The following HLCS variants were observed in gnomAD, a reference collection of about 807,000 sequenced individuals.
HLCS encodes the protein holocarboxylase synthetase, also known as biotin--protein ligase.
In HLCS, 53 loss-of-function variants were observed where a neutral mutation model predicts 75.0. The ratio of observed to expected loss-of-function variants is 0.71; its 90% confidence interval spans 0.57 to 0.89. The LOEUF is 0.89. HLCS is among the 40% of genes least tolerant of loss of function. HLCS has a pLI of 0.00. For missense variants in HLCS, 966 were observed against 1,074.0 expected (o/e 0.90, Z 1.41); for synonymous variants, 431 against 428.6 (o/e 1.01, Z -0.07).
chr21:36,909,204 A>AG (rs1460411044), intron 5 of HLCS, among the ~76,000 whole-genome samples: 1 of 152,248 alleles, frequency 6.6e-6, no homozygotes, highest in African/African-American at 2.4e-5. Flanking sequence ...CTCAAAAAAA[A>AG]GAAAGGTAAC....
chr21:36,806,715 T>C (rs986117508), intron 6 of HLCS, among the ~76,000 whole-genome samples: 1 of 152,168 alleles, frequency 6.6e-6, no homozygotes, highest in South Asian at 2.1e-4. Context: ...GACTCTAAGT[T>C]GTTTAAGAGA....
chr21:36,947,436 C>T, intron 2 of HLCS: 1 of 985,426 alleles, frequency 1.0e-6, no homozygotes, highest in Non-Finnish European at 1.2e-6. Context: ...ACCGCGCTGT[C>T]ACTGATACGT....
chr21:36,816,303 G>A (rs1347234763), intron 6 of HLCS, among the ~76,000 whole-genome samples: 1 of 152,042 alleles, frequency 6.6e-6, no homozygotes. Context: ...GGCTGGGGTG[G>A]GAGGATCACT....
chr21:36,769,147 G>A (rs1375106873), intron 6 of HLCS, among the ~76,000 whole-genome samples: 1 of 151,860 alleles, frequency 6.6e-6, no homozygotes, highest in African/African-American at 2.4e-5. Context: ...AAATGATTAA[G>A]GGAACATATG....
intron 6 of HLCS, among the ~76,000 whole-genome samples, chr21:36,838,298 TCACACACACACACACACA>T (rs148428941): frequency 2.4e-5 from 3 of 127,302 alleles, no homozygotes; most frequent in African/African-American, 7.6e-5. Flanking sequence ...GGGTGAATGA[TCACACACACACACACACA>T]CACACACACA....
chr21:36,869,972 C>T (rs1362138618), intron 6 of HLCS, among the ~76,000 whole-genome samples: 1 of 152,114 alleles, frequency 6.6e-6, no homozygotes, highest in African/African-American at 2.4e-5. Flanking sequence ...AGGAGAAAAC[C>T]ACCTTTAAAA....
chr21:36,778,262 C>T (rs1241930979), intron 6 of HLCS, among the ~76,000 whole-genome samples: 1 of 151,980 alleles, frequency 6.6e-6, no homozygotes, highest in Non-Finnish European at 1.5e-5. Context: ...AGCCACTGTG[C>T]CTGGCTGCTT....
chr21:36,863,707 A>T (rs2063460238), intron 6 of HLCS, among the ~76,000 whole-genome samples: 1 of 152,242 alleles, frequency 6.6e-6, no homozygotes, highest in African/African-American at 2.4e-5. Flanking sequence ...ACTGAAAATT[A>T]CTGCAAAATG....
At chr21:36,894,489 C>T (rs999658655) in intron 6 of HLCS, among the ~76,000 whole-genome samples, 15 of 152,162 alleles carry the variant, frequency 9.9e-5, no homozygotes, top group Non-Finnish European at 1.5e-4. Context: ...TGCCTCCCCG[C>T]GCCAGGAATT....
At chr21:36,916,517 AATTTTTTTT>A (rs1202175691) in intron 5 of HLCS, among the ~76,000 whole-genome samples, 7 of 136,540 alleles carry the variant, frequency 5.1e-5, no homozygotes, top group Non-Finnish European at 1.1e-4. Flanking sequence ...ATGCCTAGCT[AATTTTTTTT>A]TTTTTTTTTT....
chr21:36,836,777 T>G (rs1327868979), intron 6 of HLCS, among the ~76,000 whole-genome samples: 2 of 152,150 alleles, frequency 1.3e-5, no homozygotes, highest in Non-Finnish European at 2.9e-5. Context: ...TCACCATCAC[T>G]GCTCATCAGG....
At chr21:36,869,991 G>C (rs1174323080) in intron 6 of HLCS, among the ~76,000 whole-genome samples, 1 of 152,152 alleles carries the variant, frequency 6.6e-6, no homozygotes, top group East Asian at 1.9e-4. Flanking sequence ...AATAAAACCC[G>C]TGAACCCTAG....
intron 1 of HLCS, among the ~76,000 whole-genome samples, chr21:36,982,134 C>T (rs2069134576): frequency 6.6e-6 from 1 of 151,966 alleles, no homozygotes; most frequent in South Asian, 2.1e-4. Flanking sequence ...TGCATTCTTT[C>T]TATTCAATGT....
chr21:36,837,456 T>A (rs1280506563), intron 6 of HLCS, among the ~76,000 whole-genome samples: 1 of 152,104 alleles, frequency 6.6e-6, no homozygotes, highest in East Asian at 1.9e-4. Context: ...ATCTTGGCCA[T>A]GTCCACGTCA....
At chr21:36,883,686 G>C (rs1273660386) in intron 6 of HLCS, among the ~76,000 whole-genome samples, 1 of 152,248 alleles carries the variant, frequency 6.6e-6, no homozygotes, top group East Asian at 1.9e-4. Flanking sequence ...GAAAGCACCT[G>C]TCTTCCTTGG....
chr21:36,756,241 A>G lies in HLCS; in HGVS notation c.2450+301T>C, dbSNP rs539098878. On this transcript the variant is annotated intron_variant, in intron 10 of 10. Coordinates refer to ENST00000674895, the MANE Select transcript of HLCS (RefSeq NM_001352514.2). ...ATCACAAGGTCAGGAGATCGAGACC[A>G]TCCTGGCTAACACGGTGAAACCCCA... Among the ~76,000 whole-genome samples, 7 of 149,850 alleles carry G rather than the reference A, an allele frequency of 4.7e-5. No individual in the cohort carries two copies. In the South Asian group the frequency reaches 1.0e-3, roughly 22 times the overall value.
intron 6 of HLCS, among the ~76,000 whole-genome samples, chr21:36,825,974 TG>T (rs1280037690): frequency 1.3e-5 from 2 of 151,840 alleles, no homozygotes; most frequent in East Asian, 3.9e-4. Flanking sequence ...TAGACCCACC[TG>T]GAAGGCAGAG....
chr21:36,954,302 AAAAATAAAAT>A (rs1346979147), intron 2 of HLCS, among the ~76,000 whole-genome samples: 1 of 150,916 alleles, frequency 6.6e-6, no homozygotes, highest in East Asian at 2.0e-4. Context: ...ATTCCATCTC[AAAAATAAAAT>A]AAAATAAAAT....
chr21:36,985,623 G>T (rs1195889436), intron 1 of HLCS, among the ~76,000 whole-genome samples: 1 of 152,174 alleles, frequency 6.6e-6, no homozygotes, highest in Non-Finnish European at 1.5e-5. Context: ...AAAATTAGCT[G>T]GGCGTGGTAG....
Sources: allele counts gnomAD v4.1 joint callset (sites outside exome capture counted in the v4.1 genomes callset), GRCh38; gene constraint gnomAD v4.1.1; transcripts MANE v1.5; gene names NCBI Gene and HGNC (gene_info 2026-07-23, HGNC 2026-07-21).